The following ALPK1 variants were observed in gnomAD, a reference collection of about 807,000 sequenced individuals.
The protein encoded by ALPK1 is alpha kinase 1, also known as alpha-protein kinase 1.
Under a neutral mutation model 120.6 loss-of-function variants are expected in ALPK1, and 110 were observed. The ratio of observed to expected loss-of-function variants is 0.91; its 90% CI spans 0.78 to 1.07. ALPK1 has a LOEUF of 1.07. Among genes scored for constraint, ALPK1 ranks in the 50% least tolerant of loss-of-function variants. The pLI, the probability that ALPK1 is intolerant of heterozygous loss-of-function variation, is 0.00. For synonymous variants in ALPK1, 582 were observed against 560.3 expected (o/e 1.04, Z -0.55); for missense variants, 1,498 against 1,483.9 (o/e 1.01, Z -0.16).
At chr4:112,332,713 TGAACACACTGA>T (rs1729439251) in intron 2 of ALPK1, among the ~76,000 whole-genome samples, 1 of 152,216 alleles carries the variant, frequency 6.6e-6, no homozygotes, top group Non-Finnish European at 1.5e-5. Context: ...GGACCCAGAA[TGAACACACTGA>T]GATAGATTTT....
chr4:112,411,806 T>C (rs531216607), intron 4 of ALPK1, 21 bp from the exon 5 acceptor site: 6 of 1,596,300 alleles, frequency 3.8e-6, no homozygotes, highest in African/African-American at 2.7e-5. Context: ...TGGCTCACGA[T>C]GTTCCACGCT....
chr4:112,324,992 A>G (rs1729048986), intron 2 of ALPK1, among the ~76,000 whole-genome samples: 1 of 150,250 alleles, frequency 6.7e-6, no homozygotes, highest in Admixed American at 6.7e-5. Context: ...GGGGGCAAAT[A>G]GAGTGAATCC....
intron 4 of ALPK1, among the ~76,000 whole-genome samples, chr4:112,395,778 G>A (rs557674390): frequency 5.3e-4 from 81 of 152,184 alleles, no homozygotes; most frequent in African/African-American, 1.8e-3. Flanking sequence ...TTTTAATGAC[G>A]GTCACAGTTG....
chr4:112,382,387 G>C lies in ALPK1; in HGVS notation c.122-11G>C. ...ACTGCAATTTCCTTACCTGAACTCT[G>C]ACCTTTTCAGCTTTACTCCCCAGCG... On this transcript the variant is annotated splice_polypyrimidine_tract_variant and intron_variant, in intron 3 of 15. Coordinates refer to ENST00000650871, the MANE Select transcript of ALPK1 (RefSeq NM_025144.4). 6.3e-7 allele frequency: 1 copy of C among 1,583,752 alleles called. No homozygotes were observed. Among genetic ancestry groups the C allele is most frequent in the South Asian group, 1.1e-5 (1 of 90,482 alleles).
chr4:112,382,651 G>A (rs1257415124), intron 4 of ALPK1, 99 bp downstream of exon 4: 4 of 1,528,014 alleles, frequency 2.6e-6, no homozygotes, highest in Admixed American at 1.7e-5. Context: ...GCACAAGACA[G>A]CCCCCTACCC....
chr4:112,369,067 C>T (rs903436344), intron 2 of ALPK1, among the ~76,000 whole-genome samples: 3 of 152,168 alleles, frequency 2.0e-5, no homozygotes, highest in African/African-American at 7.2e-5. Flanking sequence ...CCTCTCTTGA[C>T]ATTTTATTGA....
chr4:112,421,972 A>G (rs1215832007), intron 5 of ALPK1, among the ~76,000 whole-genome samples: 1 of 151,974 alleles, frequency 6.6e-6, no homozygotes, highest in Admixed American at 6.6e-5. Flanking sequence ...CAGCATCACT[A>G]CTCCTGTCCT....
intron 2 of ALPK1, among the ~76,000 whole-genome samples, chr4:112,321,993 G>A (rs1221518244): frequency 6.6e-6 from 1 of 150,886 alleles, no homozygotes; most frequent in Non-Finnish European, 1.5e-5. Context: ...CGGCAGTGAG[G>A]CACTAGAAAG....
intron 4 of ALPK1, among the ~76,000 whole-genome samples, chr4:112,388,772 AC>A (rs1732270240): frequency 6.6e-6 from 1 of 152,234 alleles, no homozygotes; most frequent in African/African-American, 2.4e-5. Flanking sequence ...CTGGAAAACT[AC>A]AAAAATGAAG....
At chr4:112,347,885 A>G (rs1413884500) in intron 2 of ALPK1, among the ~76,000 whole-genome samples, 2 of 152,196 alleles carry the variant, frequency 1.3e-5, no homozygotes, top group Non-Finnish European at 2.9e-5. Context: ...CGATTTACTT[A>G]TTTTTTAAAA....
intron 4 of ALPK1, among the ~76,000 whole-genome samples, chr4:112,385,569 C>T (rs1732117664): frequency 6.6e-6 from 1 of 152,168 alleles, no homozygotes; most frequent in Non-Finnish European, 1.5e-5. Flanking sequence ...CCTATTGTGC[C>T]AGACCCCAAG....
intron 2 of ALPK1, among the ~76,000 whole-genome samples, chr4:112,374,087 T>C (rs1447940631): frequency 1.3e-5 from 2 of 152,240 alleles, no homozygotes; most frequent in African/African-American, 4.8e-5. Flanking sequence ...GATTTTTCTG[T>C]GGCATGTGAT....
At chr4:112,427,708 A>G in intron 9 of ALPK1, 43 bp downstream of exon 9, 1 of 1,430,348 alleles carries the variant, frequency 7.0e-7, no homozygotes, top group Non-Finnish European at 9.8e-7. Context: ...TAAAATTGTC[A>G]ATCGTGTCCT....
intron 2 of ALPK1, among the ~76,000 whole-genome samples, chr4:112,351,623 G>A (rs576965185): frequency 7.2e-5 from 11 of 152,060 alleles, no homozygotes; most frequent in South Asian, 2.1e-4. Context: ...ACAAGCACGC[G>A]CCACCATGCC....
At chr4:112,364,441 T>A (rs956791589) in intron 2 of ALPK1, among the ~76,000 whole-genome samples, 1 of 151,918 alleles carries the variant, frequency 6.6e-6, no homozygotes, top group Admixed American at 6.6e-5. Context: ...TACCTTTACA[T>A]GCATAAACTA....
At chr4:112,357,125 G>A in intron 2 of ALPK1, 1 of 1,286,916 alleles carries the variant, frequency 7.8e-7, no homozygotes, top group African/African-American at 1.5e-5. Context: ...CGATGCTGTT[G>A]AGCTGCCTGG....
At chr4:112,416,527 A>C (rs904910787) in intron 5 of ALPK1, among the ~76,000 whole-genome samples, 1 of 152,218 alleles carries the variant, frequency 6.6e-6, no homozygotes, top group African/African-American at 2.4e-5. Flanking sequence ...AACTAGACTC[A>C]GAATTGGAGA....
chr4:112,441,031 T>G lies in ALPK1; in HGVS notation c.3653T>G (p.Phe1218Cys). ...NFGKRGIFYFFNNQHVECNEI... is the reference protein window; with the variant it reads ...NFGKRGIFYFCNNQHVECNEI... ...GGAAAGAGAGGAATTTTTTACTTCTTTAATAACCAGCATGTGGAATGTAAT... is the reference window on the plus strand; with the variant it reads ...GGAAAGAGAGGAATTTTTTACTTCTGTAATAACCAGCATGTGGAATGTAAT... The change falls in exon 15 of 16, where the codon TTT becomes TGT. Residue 1218 changes from phenylalanine (F) to cysteine (C), a missense_variant. Physicochemically the swap from Phe to Cys is radical, Grantham distance 205. Coordinates refer to ENST00000650871, the MANE Select transcript of ALPK1 (RefSeq NM_025144.4). 1.9e-6 allele frequency: 3 copies of G among 1,614,036 alleles called. No individual in the cohort carries two copies. Among genetic ancestry groups the G allele is most frequent in the Non-Finnish European group, 2.5e-6 (3 of 1,179,922 alleles).
chr4:112,319,240 A>C (rs977655197), intron 2 of ALPK1, among the ~76,000 whole-genome samples: 2 of 152,192 alleles, frequency 1.3e-5, no homozygotes, highest in Non-Finnish European at 2.9e-5. Flanking sequence ...TTTGTTGCCT[A>C]TAGGGTGTGT....
Sources: gnomAD v4.1 joint callset for allele counts (sites outside exome capture counted in the v4.1 genomes callset) on GRCh38, gnomAD v4.1.1 for gene constraint, MANE v1.5 for transcripts, NCBI Gene and HGNC (gene_info 2026-07-23, HGNC 2026-07-21) for gene names.